SFMBT2: variants seen among roughly 807,000 people sequenced by gnomAD.
SFMBT2 encodes scm-like with four MBT domains protein 2.
In SFMBT2, 38 loss-of-function variants were observed where a neutral mutation model predicts 110.1. That is an observed-to-expected ratio of 0.35 (90% CI 0.27 to 0.45). SFMBT2 has a LOEUF of 0.45. Among genes scored for constraint, SFMBT2 ranks in the 20% least tolerant of loss-of-function variants. SFMBT2 has a pLI of 1.00. For synonymous variants in SFMBT2, 425 were observed against 425.4 expected (o/e 1.00, Z 0.01); for missense variants, 1,011 against 1,094.9 (o/e 0.92, Z 1.08).
chr10:7,257,282 CACA>C (rs1331823356), intron 7 of SFMBT2, among the ~76,000 whole-genome samples: 5 of 152,116 alleles, frequency 3.3e-5, no homozygotes, highest in African/African-American at 1.2e-4. Context: ...AGGAGGATCC[CACA>C]ACGTCAGAGC....
chr10:7,253,539 T>C (rs749088530), intron 7 of SFMBT2, among the ~76,000 whole-genome samples: 2 of 152,224 alleles, frequency 1.3e-5, no homozygotes, highest in Non-Finnish European at 2.9e-5. Context: ...TCGTAAGTTA[T>C]AGTCAAGACA....
At chr10:7,315,114 G>GAAAGAAAGAA (rs1564435713) in intron 4 of SFMBT2, among the ~76,000 whole-genome samples, 162 of 116,210 alleles carry the variant, frequency 1.4e-3, no homozygotes, top group Middle Eastern at 4.2e-3. Flanking sequence ...GAAAGAAAAA[G>GAAAGAAAGAA]CAAGCAAGCA....
At chr10:7,233,979 T>G (rs1840183335) in intron 9 of SFMBT2, among the ~76,000 whole-genome samples, 1 of 152,262 alleles carries the variant, frequency 6.6e-6, no homozygotes, top group Non-Finnish European at 1.5e-5. Flanking sequence ...TTGTGTACAT[T>G]GCAGGCTTAC....
chr10:7,276,800 A>G (rs1841790743), intron 7 of SFMBT2, 92 bp downstream of exon 7: 2 of 738,260 alleles, frequency 2.7e-6, no homozygotes, highest in African/African-American at 3.4e-5. Context: ...TGCTGGGATT[A>G]CAGGCATGAG....
At position 7,220,397 on chromosome 10, in the gene SFMBT2, C is replaced by CA. The variant is rs756039665; in HGVS notation, c.1330+13dup. 30 of 1,612,098 alleles carry CA rather than the reference C, an allele frequency of 1.9e-5. No individual in the cohort carries two copies. The Middle Eastern group carries it at 5.0e-4, about 27-fold the overall frequency. ...CATTCCCCCCAGCGACTGCTACCCCCAGCGAGTACGTACCTTCCAGGTGAA... is the reference window on the plus strand; with the variant it reads ...CATTCCCCCCAGCGACTGCTACCCCCAAGCGAGTACGTACCTTCCAGGTGAA... On this transcript the variant is annotated intron_variant, in intron 11 of 20. Transcript: ENST00000397167.
At chr10:7,337,566 T>C (rs1189470506) in intron 4 of SFMBT2, among the ~76,000 whole-genome samples, 1 of 152,196 alleles carries the variant, frequency 6.6e-6, no homozygotes, top group Admixed American at 6.5e-5. Flanking sequence ...CCAGCCCACG[T>C]AAGACATGCC....
At chr10:7,326,754 A>T (rs1022536559) in intron 4 of SFMBT2, among the ~76,000 whole-genome samples, 2 of 152,192 alleles carry the variant, frequency 1.3e-5, no homozygotes, top group African/African-American at 4.8e-5. Flanking sequence ...CTCTCTAAAA[A>T]GTTCACTGGA....
chr10:7,312,282 A>T (rs1391120432), intron 4 of SFMBT2, among the ~76,000 whole-genome samples: 1 of 152,190 alleles, frequency 6.6e-6, no homozygotes, highest in Non-Finnish European at 1.5e-5. Context: ...TAGGAGTAGT[A>T]ACGGCATCAA....
chr10:7,383,750 A>G (rs920558608), intron 1 of SFMBT2, among the ~76,000 whole-genome samples: 3 of 152,176 alleles, frequency 2.0e-5, no homozygotes, highest in Admixed American at 1.3e-4. Context: ...TTCTCAGCAC[A>G]GGGCCTTATG....
chr10:7,368,052 T>G (rs1233445572), intron 3 of SFMBT2, among the ~76,000 whole-genome samples, 163 bp from the exon 4 acceptor site: 2 of 152,222 alleles, frequency 1.3e-5, no homozygotes, highest in Non-Finnish European at 2.9e-5. Context: ...GCCACAAACG[T>G]AATGCTAAAC....
intron 11 of SFMBT2, among the ~76,000 whole-genome samples, chr10:7,209,549 A>G (rs535864057): frequency 7.2e-5 from 11 of 152,382 alleles, no homozygotes; most frequent in Non-Finnish European, 1.5e-4. Flanking sequence ...ATAAAAAAGA[A>G]TCAGACACCT....
intron 4 of SFMBT2, among the ~76,000 whole-genome samples, chr10:7,291,118 A>G (rs1842250291): frequency 6.6e-6 from 1 of 152,212 alleles, no homozygotes; most frequent in African/African-American, 2.4e-5. Context: ...CTGTCAGCCT[A>G]GGCTCCTCAA....
chr10:7,163,652 T>C lies in SFMBT2; in HGVS notation c.*118A>G. ...GCAGAAGATCCTGGGCTTCTGGTTT[T>C]CTGGTGATACTTAGTGGCTGTACCA... On this transcript the variant is annotated 3_prime_UTR_variant, in exon 21 of 21. Coordinates refer to ENST00000397167, the MANE Select transcript of SFMBT2 (RefSeq NM_001387889.1). This position sits in a 1 kb window ranked among gnomAD's most constrained non-coding sequence, Gnocchi z 4.8. 1.1e-6 allele frequency: 1 copy of C among 902,856 alleles called. No individual in the cohort carries two copies. Among genetic ancestry groups the C allele is most frequent in the Non-Finnish European group, 1.7e-6 (1 of 596,612 alleles). The allele number at this position is 902,856 out of a possible 1,614,324, so 55.9% of individuals were successfully genotyped here.
At chr10:7,233,074 C>T (rs893139679) in intron 9 of SFMBT2, among the ~76,000 whole-genome samples, 9 of 152,262 alleles carry the variant, frequency 5.9e-5, no homozygotes, top group African/African-American at 2.2e-4. Context: ...ATAAAAACTC[C>T]TCTTCTATCC....
chr10:7,347,214 C>G (rs1015589812), intron 4 of SFMBT2, among the ~76,000 whole-genome samples: 1 of 152,146 alleles, frequency 6.6e-6, no homozygotes, highest in Non-Finnish European at 1.5e-5. Context: ...CCCAGGAGAC[C>G]GAGTTTTGCT....
intron 9 of SFMBT2, among the ~76,000 whole-genome samples, chr10:7,242,429 TATATAAAC>T (rs1389817145): frequency 6.6e-6 from 1 of 152,164 alleles, no homozygotes; most frequent in East Asian, 1.9e-4. Flanking sequence ...CTGCGCAAGT[TATATAAAC>T]TCTCTGTGAC....
chr10:7,342,394 G>GTTTTTTTTTT (rs1411169372), intron 4 of SFMBT2, among the ~76,000 whole-genome samples: 1 of 90,942 alleles, frequency 1.1e-5, no homozygotes, highest in Non-Finnish European at 2.3e-5. Flanking sequence ...ACTGGAGTGA[G>GTTTTTTTTTT]TCTTTTTTTT....
At chr10:7,265,394 G>T (rs533572384) in intron 7 of SFMBT2, among the ~76,000 whole-genome samples, 23 of 152,114 alleles carry the variant, frequency 1.5e-4, no homozygotes, top group Middle Eastern at 3.4e-3. Flanking sequence ...TAGAGATGGG[G>T]TTTCACCATG....
chr10:7,375,088 G>A (rs187775946), intron 2 of SFMBT2, among the ~76,000 whole-genome samples: 26 of 152,284 alleles, frequency 1.7e-4, no homozygotes, highest in South Asian at 8.3e-4. Context: ...CATGAAAACC[G>A]ACTAGGAAAA....
Sources: allele counts gnomAD v4.1 joint callset (sites outside exome capture counted in the v4.1 genomes callset), GRCh38; gene constraint gnomAD v4.1.1; non-coding constraint Gnocchi (gnomAD v3.1); transcripts MANE v1.5; gene names NCBI Gene and HGNC (gene_info 2026-07-23, HGNC 2026-07-21).